Variants in GULP1 observed in about 807,000 individuals in gnomAD.
GULP1 encodes PTB domain-containing engulfment adapter protein 1.
Under a neutral mutation model 40.9 loss-of-function variants are expected in GULP1, and 19 were observed. The observed-to-expected ratio is 0.46, with a 90% CI of 0.32 to 0.68. The LOEUF (loss-of-function observed/expected upper bound fraction) is 0.68. Ranked by LOEUF, GULP1 falls within the 30% of genes least tolerant of loss-of-function variation. The probability of loss-of-function intolerance (pLI) is 0.03; values close to 1 mark genes in which losing one functional copy is unlikely to be tolerated. For missense variants in GULP1, 312 were observed against 362.2 expected (o/e 0.86, Z 1.12); for synonymous variants, 119 against 117.6 (o/e 1.01, Z -0.08).
intron 7 of GULP1, among the ~76,000 whole-genome samples, chr2:188,547,289 G>A (rs1174567000): frequency 6.7e-6 from 1 of 150,262 alleles, no homozygotes; most frequent in Admixed American, 6.6e-5. Flanking sequence ...GAACATAAAT[G>A]TAAAAATTCC....
chr2:188,588,976 A>G (rs1360959635), intron 11 of GULP1: 3 of 152,142 alleles, frequency 2.0e-5, no homozygotes, highest in East Asian at 1.9e-4. Flanking sequence ...TAAAAGTTGA[A>G]TTACTTAACA....
At chr2:188,317,860 A>T (rs1394635309) in intron 1 of GULP1, among the ~76,000 whole-genome samples, 1 of 151,998 alleles carries the variant, frequency 6.6e-6, no homozygotes, top group Non-Finnish European at 1.5e-5. Context: ...GAATGAGAAA[A>T]GTTTTTCTGA....
At chr2:188,577,557 A>C (rs1037879799) in intron 9 of GULP1, among the ~76,000 whole-genome samples, 3 of 152,130 alleles carry the variant, frequency 2.0e-5, no homozygotes, top group African/African-American at 7.2e-5. Flanking sequence ...GTCTAACGGG[A>C]AGAAAAATAT....
chr2:188,499,444 GA>G (rs1180909715), intron 4 of GULP1, among the ~76,000 whole-genome samples: 2 of 151,510 alleles, frequency 1.3e-5, no homozygotes, highest in East Asian at 3.9e-4. Flanking sequence ...CTCATCTCCT[GA>G]AAACTACAGA....
At chr2:188,351,297 G>A (rs563257369) in intron 1 of GULP1, among the ~76,000 whole-genome samples, 3 of 152,236 alleles carry the variant, frequency 2.0e-5, no homozygotes, top group Non-Finnish European at 4.4e-5. Flanking sequence ...AGAGGATTAT[G>A]ACAGAATTAA....
At chr2:188,582,293 C>T (rs1461970036) in intron 9 of GULP1, 1 of 455,146 alleles carries the variant, frequency 2.2e-6, no homozygotes, top group Admixed American at 2.4e-5. Context: ...CTCCTTTCCT[C>T]CATGCCTGCC....
intron 2 of GULP1, among the ~76,000 whole-genome samples, chr2:188,385,212 A>G (rs1427201919): frequency 6.6e-6 from 1 of 152,178 alleles, no homozygotes; most frequent in Non-Finnish European, 1.5e-5. Flanking sequence ...ATCTTCTGAA[A>G]TCTAGGCAGA....
chr2:188,465,915 GGTAGTGTGA>G lies in GULP1; in HGVS notation c.-44-11741_-44-11733del, dbSNP rs2060072311. Among the ~76,000 whole-genome samples the G allele has an allele frequency of 2.0e-5, 3 of 152,164 alleles. No homozygotes were observed. The South Asian group carries it at 6.2e-4, about 32-fold the overall frequency. Reference sequence around the variant, plus strand: ...TTTCCGTGGTATGAAGGTAAAACCAGGTAGTGTGAGTGCTTACCTGATTTTTGGCTCTTA... The same window carrying G: ...TTTCCGTGGTATGAAGGTAAAACCAGGTGCTTACCTGATTTTTGGCTCTTA... On this transcript the variant is annotated intron_variant, in intron 2 of 11. Coordinates refer to ENST00000409830, the MANE Select transcript of GULP1 (RefSeq NM_016315.4).
intron 1 of GULP1, among the ~76,000 whole-genome samples, chr2:188,357,538 A>G (rs954448946): frequency 1.3e-5 from 2 of 152,158 alleles, no homozygotes; most frequent in Non-Finnish European, 1.5e-5. Context: ...TATTAAAAAG[A>G]CAAAAATAAC....
intron 1 of GULP1, among the ~76,000 whole-genome samples, chr2:188,372,582 A>G (rs1447545005): frequency 6.6e-6 from 1 of 151,988 alleles, no homozygotes; most frequent in Non-Finnish European, 1.5e-5. Context: ...CTTTAAAAAT[A>G]CTCCAGGAGA....
At chr2:188,418,545 A>G (rs2054905555) in intron 2 of GULP1, among the ~76,000 whole-genome samples, 1 of 152,156 alleles carries the variant, frequency 6.6e-6, no homozygotes, top group African/African-American at 2.4e-5. Context: ...AGGCACAAGA[A>G]TCAGTTGAAC....
chr2:188,526,217 ATTTT>A (rs1686129543), intron 5 of GULP1, among the ~76,000 whole-genome samples: 1 of 152,160 alleles, frequency 6.6e-6, no homozygotes, highest in East Asian at 1.9e-4. Flanking sequence ...CTTCCCCATC[ATTTT>A]ATGATGACAA....
At chr2:188,409,505 ATTAATGGATTCT>A (rs1460829807) in intron 2 of GULP1, among the ~76,000 whole-genome samples, 1 of 152,196 alleles carries the variant, frequency 6.6e-6, no homozygotes, top group Non-Finnish European at 1.5e-5. Context: ...TAATGCCTTC[ATTAATGGATTCT>A]ACCAAACATT....
chr2:188,538,252 G>A (rs1003123427), intron 6 of GULP1, among the ~76,000 whole-genome samples: 1 of 151,810 alleles, frequency 6.6e-6, no homozygotes, highest in African/African-American at 2.4e-5. Flanking sequence ...TGTTCTTCTA[G>A]TTCCTCTAGG....
chr2:188,434,292 G>A (rs1005700127), intron 2 of GULP1, among the ~76,000 whole-genome samples: 14 of 148,030 alleles, frequency 9.5e-5, no homozygotes, highest in Admixed American at 9.4e-4. Flanking sequence ...AAAATGCCTT[G>A]GAGTTCTTTC....
At chr2:188,562,952 G>GT (rs1696696648) in intron 7 of GULP1, among the ~76,000 whole-genome samples, 1 of 151,722 alleles carries the variant, frequency 6.6e-6, no homozygotes, top group Non-Finnish European at 1.5e-5. Context: ...TAAAAGAAAA[G>GT]TTACAGGGGA....
intron 2 of GULP1, among the ~76,000 whole-genome samples, chr2:188,392,652 T>A (rs1158736658): frequency 2.0e-5 from 3 of 152,100 alleles, no homozygotes; most frequent in Non-Finnish European, 2.9e-5. Flanking sequence ...TGGTTTGTTC[T>A]TGTTTCTCTA....
chr2:188,380,618 T>C lies in GULP1; in HGVS notation c.-171-3145T>C, dbSNP rs2048896239. ...TATATATTTTGAATTTAGGAGCTTA[T>C]AGAGGATAAGAAAGAAATATCCAGG... On this transcript the variant is annotated intron_variant, in intron 1 of 11. Coordinates refer to ENST00000409830, the MANE Select transcript of GULP1 (RefSeq NM_016315.4). Among the ~76,000 whole-genome samples the C allele has an allele frequency of 2.0e-5, 3 of 152,160 alleles. No individual in the cohort carries two copies. The South Asian group carries it at 6.2e-4, about 31-fold the overall frequency.
intron 5 of GULP1, among the ~76,000 whole-genome samples, chr2:188,525,273 C>T (rs534483303): frequency 6.6e-6 from 1 of 152,176 alleles, no homozygotes; most frequent in South Asian, 2.1e-4. Flanking sequence ...CACCTGTAAT[C>T]CCAGCTACTT....
Sources: gnomAD v4.1 joint callset for allele counts (sites outside exome capture counted in the v4.1 genomes callset) on GRCh38, gnomAD v4.1.1 for gene constraint, MANE v1.5 for transcripts, NCBI Gene and HGNC (gene_info 2026-07-23, HGNC 2026-07-21) for gene names.